Variants in ANKIB1 observed in about 807,000 individuals in gnomAD.
The protein encoded by ANKIB1 is ankyrin repeat and IBR domain-containing protein 1.
ANKIB1 carries 43 observed loss-of-function variants against 122.1 expected under a neutral mutation model. That is an observed-to-expected ratio of 0.35 (90% CI 0.28 to 0.45). The LOEUF (loss-of-function observed/expected upper bound fraction) is 0.45. ANKIB1 is among the 20% of genes least tolerant of loss of function. The pLI, the probability that ANKIB1 is intolerant of heterozygous loss-of-function variation, is 1.00. For missense variants in ANKIB1, 992 were observed against 1,329.5 expected (o/e 0.75, Z 3.95); for synonymous variants, 390 against 442.0 (o/e 0.88, Z 1.48).
chr7:92,352,462 T>C lies in ANKIB1; in HGVS notation c.1231-14T>C. Reference sequence around the variant, plus strand: ...AATATTTTCTTTTGTGTTTTGTTATTGCTGTTTAAACAGGCCTTTGTTGAA... The same window carrying C: ...AATATTTTCTTTTGTGTTTTGTTATCGCTGTTTAAACAGGCCTTTGTTGAA... On this transcript the variant is annotated splice_polypyrimidine_tract_variant and intron_variant, in intron 8 of 19. Transcript: ENST00000265742. 1 of 1,612,374 alleles carries C rather than the reference T, an allele frequency of 6.2e-7. No individual in the cohort carries two copies. Among genetic ancestry groups the C allele is most frequent in the South Asian group, 1.1e-5 (1 of 90,632 alleles).
At chr7:92,341,979 T>G (rs1048756602) in intron 5 of ANKIB1, among the ~76,000 whole-genome samples, 2 of 152,164 alleles carry the variant, frequency 1.3e-5, no homozygotes, top group Non-Finnish European at 2.9e-5. Context: ...GGAAATATAC[T>G]CCTTCTATTT....
At chr7:92,275,034 G>T (rs1160861104) in intron 1 of ANKIB1, among the ~76,000 whole-genome samples, 1 of 152,090 alleles carries the variant, frequency 6.6e-6, no homozygotes, top group Non-Finnish European at 1.5e-5. Context: ...CAAAAAGTAG[G>T]CTGCTTTTTT....
chr7:92,396,652 A>C (rs900811009), intron 18 of ANKIB1, among the ~76,000 whole-genome samples, 176 bp downstream of exon 18: 1 of 152,198 alleles, frequency 6.6e-6, no homozygotes, highest in African/African-American at 2.4e-5. Flanking sequence ...TGGTCTGTGG[A>C]GTTAGGCAAA....
chr7:92,334,800 A>G (rs1486847396), intron 5 of ANKIB1, among the ~76,000 whole-genome samples: 7 of 152,084 alleles, frequency 4.6e-5, no homozygotes, highest in Non-Finnish European at 2.9e-5. Flanking sequence ...ATATGACTAC[A>G]TAATCTCATT....
At chr7:92,344,084 T>C (rs981931151) in intron 6 of ANKIB1, among the ~76,000 whole-genome samples, 1 of 152,170 alleles carries the variant, frequency 6.6e-6, no homozygotes, top group Non-Finnish European at 1.5e-5. Flanking sequence ...TCTAGAGAGC[T>C]ATTGTTTAGA....
chr7:92,334,281 A>G (rs568329372), intron 5 of ANKIB1, among the ~76,000 whole-genome samples: 1 of 152,274 alleles, frequency 6.6e-6, no homozygotes, highest in African/African-American at 2.4e-5. Context: ...AATAAGTAAC[A>G]TATAATTATC....
chr7:92,362,281 G>C lies in ANKIB1; in HGVS notation c.1486+8G>C, dbSNP rs770394817. The C allele has an allele frequency of 2.5e-6, 4 of 1,576,352 alleles. No individual in the cohort carries two copies. In the African/African-American group the frequency reaches 5.4e-5, roughly 21 times the overall value. Reference sequence around the variant, plus strand: ...AAATGAAACCAGAAGAACGTAAGAGGAATTTTAGATAGCTTTGCTGCATAT... The same window carrying C: ...AAATGAAACCAGAAGAACGTAAGAGCAATTTTAGATAGCTTTGCTGCATAT... On this transcript the variant is annotated splice_region_variant and intron_variant, in intron 10 of 19. Coordinates refer to ENST00000265742, the MANE Select transcript of ANKIB1 (RefSeq NM_019004.2).
intron 11 of ANKIB1, among the ~76,000 whole-genome samples, chr7:92,376,769 T>C (rs892789015): frequency 6.6e-6 from 1 of 152,136 alleles, no homozygotes; most frequent in African/African-American, 2.4e-5. Context: ...TTTTATATTA[T>C]GAAGATGGCA....
intron 9 of ANKIB1, among the ~76,000 whole-genome samples, chr7:92,360,085 C>T (rs1803909258): frequency 6.6e-6 from 1 of 152,016 alleles, no homozygotes; most frequent in Non-Finnish European, 1.5e-5. Context: ...TTTTTTTTTA[C>T]CATGTAACCA....
chr7:92,375,505 CG>C (rs909577966), intron 11 of ANKIB1, among the ~76,000 whole-genome samples: 2 of 152,148 alleles, frequency 1.3e-5, no homozygotes, highest in Non-Finnish European at 2.9e-5. Flanking sequence ...TTTGCTTATC[CG>C]TAAGAAACAA....
chr7:92,271,609 A>G (rs925823461), intron 1 of ANKIB1, among the ~76,000 whole-genome samples: 4 of 152,190 alleles, frequency 2.6e-5, no homozygotes, highest in Non-Finnish European at 5.9e-5. Context: ...ATGCCTTTGT[A>G]TAGATGAGAC....
At chr7:92,383,741 CAAAAT>C (rs1804572400) in intron 11 of ANKIB1, among the ~76,000 whole-genome samples, 1 of 152,138 alleles carries the variant, frequency 6.6e-6, no homozygotes, top group Non-Finnish European at 1.5e-5. Flanking sequence ...GAACAGATCT[CAAAAT>C]AATAAGAGCT....
intron 1 of ANKIB1, among the ~76,000 whole-genome samples, chr7:92,291,862 A>G (rs1802258180): frequency 6.6e-6 from 1 of 152,118 alleles, no homozygotes; most frequent in Admixed American, 6.5e-5. Context: ...GGCGTGAGCT[A>G]CCACACCCGG....
intron 1 of ANKIB1, among the ~76,000 whole-genome samples, chr7:92,262,147 C>T (rs1562763636): frequency 6.6e-6 from 1 of 152,176 alleles, no homozygotes; most frequent in Non-Finnish European, 1.5e-5. Flanking sequence ...GCCTTGGCAA[C>T]AGACAGTAGA....
chr7:92,381,565 GA>G (rs1342108068), intron 11 of ANKIB1, among the ~76,000 whole-genome samples: 1 of 152,210 alleles, frequency 6.6e-6, no homozygotes, highest in African/African-American at 2.4e-5. Context: ...CTACAAGCCA[GA>G]AGAGAGTGGG....
At chr7:92,249,443 G>A (rs1801274103) in intron 1 of ANKIB1, among the ~76,000 whole-genome samples, 1 of 152,118 alleles carries the variant, frequency 6.6e-6, no homozygotes, top group Non-Finnish European at 1.5e-5. Flanking sequence ...ATAAGCGGCC[G>A]GGTGCTGTGG....
At chr7:92,259,672 C>G (rs1182385284) in intron 1 of ANKIB1, among the ~76,000 whole-genome samples, 1 of 152,148 alleles carries the variant, frequency 6.6e-6, no homozygotes, top group Admixed American at 6.5e-5. Flanking sequence ...AATAGTATAT[C>G]CTTTTGCCTA....
intron 1 of ANKIB1, among the ~76,000 whole-genome samples, chr7:92,248,888 C>CTTTTTTTTTTTTTTTTT (rs778549860): frequency 7.3e-5 from 9 of 123,016 alleles, no homozygotes; most frequent in Non-Finnish European, 1.2e-4. Context: ...TCTTTTCTTT[C>CTTTTTTTTTTTTTTTTT]TTTTTTTTTT....
At chr7:92,350,797 C>A (rs1803646045) in intron 7 of ANKIB1, among the ~76,000 whole-genome samples, 153 bp from the exon 8 acceptor site, 1 of 151,924 alleles carries the variant, frequency 6.6e-6, no homozygotes, top group Non-Finnish European at 1.5e-5. Context: ...TATGAGGCTA[C>A]AGTGATCTGT....
Sources: gnomAD v4.1 joint callset for allele counts (sites outside exome capture counted in the v4.1 genomes callset) on GRCh38, gnomAD v4.1.1 for gene constraint, MANE v1.5 for transcripts, NCBI Gene and HGNC (gene_info 2026-07-23, HGNC 2026-07-21) for gene names.